The following TBC1D32 variants were observed in gnomAD, a reference collection of about 807,000 sequenced individuals.
TBC1D32 encodes the protein protein broad-minded.
A neutral mutation model predicts 170.3 loss-of-function variants in TBC1D32; 151 were observed. The observed-to-expected ratio is 0.89, with a 90% CI of 0.78 to 1.01. The LOEUF is 1.01. TBC1D32 is among the 50% of genes least tolerant of loss of function. TBC1D32 has a pLI of 0.00. For synonymous variants in TBC1D32, 498 were observed against 488.0 expected (o/e 1.02, Z -0.27); for missense variants, 1,464 against 1,457.1 (o/e 1.00, Z -0.08).
At chr6:121,154,190 G>A (rs901124189) in intron 24 of TBC1D32, among the ~76,000 whole-genome samples, 3 of 152,148 alleles carry the variant, frequency 2.0e-5, no homozygotes, top group African/African-American at 7.2e-5. Context: ...TACCTGGACT[G>A]GATAGCACCG....
chr6:121,210,347 A>C (rs2128311305), intron 21 of TBC1D32, among the ~76,000 whole-genome samples: 2 of 152,364 alleles, frequency 1.3e-5, no homozygotes, highest in Non-Finnish European at 2.9e-5. Context: ...TGTCAGACAA[A>C]TATCTAAATT....
chr6:121,278,483 A>C (rs1016733942), intron 15 of TBC1D32, among the ~76,000 whole-genome samples: 1 of 152,142 alleles, frequency 6.6e-6, no homozygotes, highest in African/African-American at 2.4e-5. Context: ...AAATAAGAAA[A>C]AGAGCATTTA....
intron 20 of TBC1D32, among the ~76,000 whole-genome samples, chr6:121,230,164 T>A (rs1035070912): frequency 3.3e-5 from 5 of 152,154 alleles, no homozygotes; most frequent in Non-Finnish European, 4.4e-5. Flanking sequence ...AATGCTGTTA[T>A]TTTATTAAAC....
intron 12 of TBC1D32, among the ~76,000 whole-genome samples, chr6:121,289,483 T>C (rs1209362408): frequency 6.6e-6 from 1 of 152,152 alleles, no homozygotes; most frequent in African/African-American, 2.4e-5. Context: ...TACAAACCAC[T>C]GCTCAATGAA....
At chr6:121,249,426 C>T (rs989912187) in intron 17 of TBC1D32, among the ~76,000 whole-genome samples, 4 of 151,942 alleles carry the variant, frequency 2.6e-5, no homozygotes, top group African/African-American at 9.7e-5. Context: ...TACCCACTTT[C>T]ACCACTTCTA....
chr6:121,172,552 T>TA lies in TBC1D32; in HGVS notation c.2571-11497dup, dbSNP rs1280678062. Among the ~76,000 whole-genome samples the TA allele has an allele frequency of 7.2e-5, 11 of 152,070 alleles. No individual in the cohort carries two copies. The East Asian group carries it at 1.2e-3, about 16-fold the overall frequency. On this transcript the variant is annotated intron_variant, in intron 22 of 31. Coordinates refer to ENST00000398212, the MANE Select transcript of TBC1D32 (RefSeq NM_152730.6). ...TGAAGGTTTGGGTCACTCCACCAGG[T>TA]AAAAAAACCATGACCTGCTGAGGTG...
intron 14 of TBC1D32, among the ~76,000 whole-genome samples, chr6:121,279,512 T>C (rs1399650040): frequency 3.9e-5 from 6 of 152,012 alleles, no homozygotes; most frequent in Admixed American, 1.3e-4. Flanking sequence ...GTTACAGTTT[T>C]ATATATAATT....
intron 22 of TBC1D32, among the ~76,000 whole-genome samples, chr6:121,183,211 GAAGGA>G (rs1788762015): frequency 6.6e-6 from 1 of 152,000 alleles, no homozygotes; most frequent in Non-Finnish European, 1.5e-5. Context: ...TCTGTACACC[GAAGGA>G]AAGACAGTAA....
At chr6:121,194,059 G>A (rs1178510171) in intron 22 of TBC1D32, among the ~76,000 whole-genome samples, 2 of 151,966 alleles carry the variant, frequency 1.3e-5, no homozygotes, top group South Asian at 2.1e-4. Context: ...GGAACTACTG[G>A]ACACTGGCTC....
At chr6:121,197,526 T>A (rs1408146070) in intron 22 of TBC1D32, among the ~76,000 whole-genome samples, 1 of 152,206 alleles carries the variant, frequency 6.6e-6, no homozygotes, top group Non-Finnish European at 1.5e-5. Context: ...ACTAAGACAT[T>A]ATCTTCATTT....
intron 9 of TBC1D32, among the ~76,000 whole-genome samples, chr6:121,300,698 TTAAAC>T (rs2128474742): frequency 6.6e-6 from 1 of 152,106 alleles, no homozygotes; most frequent in East Asian, 1.9e-4. Flanking sequence ...TGGGACCTGA[TTAAAC>T]TAAAGAGCTT....
At chr6:121,250,003 C>A (rs1038824571) in intron 17 of TBC1D32, among the ~76,000 whole-genome samples, 2 of 151,850 alleles carry the variant, frequency 1.3e-5, no homozygotes, top group Admixed American at 6.6e-5. Context: ...CATATGGAGC[C>A]AATAAAGAGC....
chr6:121,082,935 T>C (rs1478067130), intron 31 of TBC1D32, among the ~76,000 whole-genome samples: 1 of 152,022 alleles, frequency 6.6e-6, no homozygotes, highest in East Asian at 1.9e-4. Context: ...AATGATATAG[T>C]TCATTATTGA....
At chr6:121,138,450 A>C (rs1158987719) in intron 24 of TBC1D32, among the ~76,000 whole-genome samples, 1 of 152,172 alleles carries the variant, frequency 6.6e-6, no homozygotes, top group Admixed American at 6.5e-5. Flanking sequence ...AAATACATGA[A>C]AACTAAGTTT....
intron 12 of TBC1D32, among the ~76,000 whole-genome samples, chr6:121,288,440 A>G (rs1289208702): frequency 6.6e-6 from 1 of 152,188 alleles, no homozygotes; most frequent in Non-Finnish European, 1.5e-5. Context: ...ACACCCTCCC[A>G]AGACTAAATC....
chr6:121,116,609 A>AAAGGTGTTT (rs1779710699), intron 26 of TBC1D32, among the ~76,000 whole-genome samples: 1 of 152,036 alleles, frequency 6.6e-6, no homozygotes, highest in Non-Finnish European at 1.5e-5. Context: ...GTGGGTGGAG[A>AAAGGTGTTT]AAGGTGTTAA....
chr6:121,194,315 G>A (rs1790450311), intron 22 of TBC1D32, among the ~76,000 whole-genome samples: 1 of 152,196 alleles, frequency 6.6e-6, no homozygotes, highest in Admixed American at 6.5e-5. Flanking sequence ...GGCTACTATG[G>A]TGGGAAAGGC....
chr6:121,203,231 T>C (rs1182638825), intron 22 of TBC1D32, among the ~76,000 whole-genome samples: 4 of 151,328 alleles, frequency 2.6e-5, no homozygotes, highest in African/African-American at 7.4e-5. Flanking sequence ...AAAATGAAAG[T>C]AAATTATTAG....
intron 20 of TBC1D32, among the ~76,000 whole-genome samples, chr6:121,224,677 T>C (rs1220029231): frequency 6.6e-6 from 1 of 152,146 alleles, no homozygotes; most frequent in Non-Finnish European, 1.5e-5. Context: ...ACCCTTGTTC[T>C]ACATCCTTCT....
Sources: gnomAD v4.1 joint callset for allele counts (sites outside exome capture counted in the v4.1 genomes callset) on GRCh38, gnomAD v4.1.1 for gene constraint, MANE v1.5 for transcripts, NCBI Gene and HGNC (gene_info 2026-07-23, HGNC 2026-07-21) for gene names.